The following MYO5B variants were observed in gnomAD, a reference collection of about 807,000 sequenced individuals.
MYO5B encodes the protein unconventional myosin-Vb.
In MYO5B, 143 loss-of-function variants were observed where a neutral mutation model predicts 229.3. The ratio of observed to expected loss-of-function variants is 0.62; its 90% CI spans 0.54 to 0.72. The LOEUF is 0.72. Ranked by LOEUF, MYO5B falls within the 30% of genes least tolerant of loss-of-function variation. The pLI is 0.00. For synonymous variants in MYO5B, 918 were observed against 885.2 expected (o/e 1.04, Z -0.66); for missense variants, 2,321 against 2,331.0 (o/e 1.00, Z 0.09).
At chr18:50,050,772 A>C in intron 2 of MYO5B, among the ~76,000 whole-genome samples, 1 of 152,202 alleles carries the variant, frequency 6.6e-6, no homozygotes. Flanking sequence ...TGGAGAAATG[A>C]TGCTTTGGAG....
At position 49,980,453 on chromosome 18, in the gene MYO5B, A is replaced by G. The variant is rs769172392; in HGVS notation, c.1047T>C (p.Cys349=). 8 of 1,608,910 alleles carry G rather than the reference A, an allele frequency of 5.0e-6. 1 individual carries two copies. The South Asian group carries it at 5.5e-5, about 11-fold the overall frequency. Reference sequence around the variant, plus strand: ...TTGGTGTGCAACTTACTGATATACTACAGGAATCACCATCACGCTCAGCCT... The same window carrying G: ...TTGGTGTGCAACTTACTGATATACTGCAGGAATCACCATCACGCTCAGCCT... ...AIQAERDGDS[C]SISPQDVYLS... The change falls in exon 9 of 40, where the codon TGT becomes TGC. Residue 349 remains cysteine, a synonymous_variant. Coordinates refer to ENST00000285039, the MANE Select transcript of MYO5B (RefSeq NM_001080467.3).
intron 26 of MYO5B, among the ~76,000 whole-genome samples, chr18:49,875,460 C>A (rs1411176770): frequency 6.6e-6 from 1 of 152,188 alleles, no homozygotes; most frequent in Non-Finnish European, 1.5e-5. Flanking sequence ...CCCCTAGCTT[C>A]ACCAACAGAA....
chr18:49,948,910 T>G (rs527742342), intron 14 of MYO5B, among the ~76,000 whole-genome samples: 2 of 152,360 alleles, frequency 1.3e-5, no homozygotes, highest in Non-Finnish European at 2.9e-5. Context: ...GTTTTAATTG[T>G]AGGTCCCTGT....
intron 18 of MYO5B, among the ~76,000 whole-genome samples, chr18:49,909,273 G>A (rs12607902): frequency 0.068 from 10,406 of 152,240 alleles, 848 homozygotes; most frequent in East Asian, 0.29. Flanking sequence ...AAGACCCCAG[G>A]GAAATCTTTA....
intron 5 of MYO5B, among the ~76,000 whole-genome samples, 161 bp from the exon 6 acceptor site, chr18:49,992,592 C>G (rs981409879): frequency 1.3e-5 from 2 of 152,160 alleles, no homozygotes; most frequent in Non-Finnish European, 2.9e-5. Context: ...AAAACAAAAA[C>G]TTGAAACTCT....
intron 18 of MYO5B, among the ~76,000 whole-genome samples, chr18:49,910,583 G>T (rs80119140): frequency 1.3e-5 from 2 of 150,754 alleles, no homozygotes; most frequent in South Asian, 4.2e-4. Context: ...AAAAAAAAAA[G>T]ATGGCATGGC....
intron 7 of MYO5B, 44 bp from the exon 8 acceptor site, chr18:49,984,869 T>C: frequency 7.4e-7 from 1 of 1,342,874 alleles, no homozygotes; most frequent in Non-Finnish European, 1.1e-6. Context: ...TGGAGGACAC[T>C]TCATCCCACA....
In MYO5B at chr18:49,967,459, C is replaced by T. The variant is rs1330443030; in HGVS notation, c.1323-4429G>A. ...CACAGGTCAAAGGAACTAAAATCTCCTAGCTCAGCCTGGTCTTTCCAATTT... is the reference window on the plus strand; with the variant it reads ...CACAGGTCAAAGGAACTAAAATCTCTTAGCTCAGCCTGGTCTTTCCAATTT... On this transcript the variant is annotated intron_variant, in intron 10 of 39. Coordinates refer to ENST00000285039, the MANE Select transcript of MYO5B (RefSeq NM_001080467.3). Among the ~76,000 whole-genome samples the T allele has an allele frequency of 3.3e-5, 5 of 152,202 alleles. No individual in the cohort carries two copies. In the East Asian group the frequency reaches 9.6e-4, roughly 29 times the overall value.
chr18:50,050,216 A>C (rs1003745779), intron 2 of MYO5B, among the ~76,000 whole-genome samples: 1 of 152,228 alleles, frequency 6.6e-6, no homozygotes, highest in Non-Finnish European at 1.5e-5. Context: ...GAAGTAATCA[A>C]ACTCTACCTC....
intron 1 of MYO5B, among the ~76,000 whole-genome samples, chr18:50,165,289 C>G (rs2032829609): frequency 6.6e-6 from 1 of 151,820 alleles, no homozygotes; most frequent in South Asian, 2.1e-4. Context: ...TTGAGAACAG[C>G]CTGGGCAACA....
Position 50,036,850 on chromosome 18 carries a change from CTG to C in MYO5B, c.453_454del (p.Asp153Ter). On this transcript the variant is annotated frameshift_variant and splice_region_variant, in exon 4 of 40. Transcript: ENST00000285039. LOFTEE classifies it high-confidence loss of function. ...ACTTCTGGGCTGAGGACATTCTCAC[CTG>C]GCCATCTGCTTGTAGGCTTCTTCTG... is the stretch of plus-strand genomic sequence containing the variant. 1.2e-6 allele frequency: 2 copies of C among 1,614,098 alleles called. No homozygotes were observed. The highest frequency in any genetic ancestry group is 1.7e-6 in the Non-Finnish European group (2 of 1,180,026).
intron 2 of MYO5B, among the ~76,000 whole-genome samples, chr18:50,046,688 T>C (rs2030236433): frequency 6.6e-6 from 1 of 152,098 alleles, no homozygotes; most frequent in Non-Finnish European, 1.5e-5. Context: ...TAACATGCAT[T>C]AAAAGGTTGT....
chr18:50,001,010 C>T (rs2026040642), intron 5 of MYO5B, among the ~76,000 whole-genome samples: 1 of 152,170 alleles, frequency 6.6e-6, no homozygotes, highest in South Asian at 2.1e-4. Flanking sequence ...ACTGTCACTA[C>T]AGCATTCAGC....
At position 49,976,719 on chromosome 18, in the gene MYO5B, G is replaced by A. The variant is rs554097339; in HGVS notation, c.1057-2104C>T. Among the ~76,000 whole-genome samples, 5 of 152,162 alleles carry A rather than the reference G, an allele frequency of 3.3e-5. No homozygotes were observed. The South Asian group carries it at 1.0e-3, about 32-fold the overall frequency. The stretch of plus-strand genomic sequence containing the variant: ...GCTTGGTTTGGGCCGGGTGGGTGTG[G>A]AGAAGCCCCCATCTTTTCACACTCA... On this transcript the variant is annotated intron_variant, in intron 9 of 39. Coordinates refer to ENST00000285039, the MANE Select transcript of MYO5B (RefSeq NM_001080467.3).
At chr18:50,094,137 A>T (rs1212759967) in intron 1 of MYO5B, among the ~76,000 whole-genome samples, 2 of 152,234 alleles carry the variant, frequency 1.3e-5, no homozygotes, top group Non-Finnish European at 2.9e-5. Flanking sequence ...CCTTTCCAGT[A>T]AAACAGTCTT....
intron 17 of MYO5B, among the ~76,000 whole-genome samples, chr18:49,912,417 C>CT (rs1485228689): frequency 6.6e-6 from 1 of 152,096 alleles, no homozygotes; most frequent in African/African-American, 2.4e-5. Context: ...GAAGGTACTT[C>CT]TTAGAGGACT....
rs574024184 is a variant in MYO5B, at chr18:49,925,322, G to A, written c.2090+4190C>T. ...ATATGCCTGTGACCTGGAAGCTCCC[G>A]CCTTCCGGTTGTCCCACTTGTCTGA... On this transcript the variant is annotated intron_variant, in intron 17 of 39. Transcript: ENST00000285039. Among the ~76,000 whole-genome samples the A allele has an allele frequency of 6.6e-5, 10 of 152,274 alleles. No homozygotes were observed. In the South Asian group the frequency reaches 2.1e-3, roughly 32 times the overall value.
intron 1 of MYO5B, among the ~76,000 whole-genome samples, chr18:50,121,894 T>A (rs2032063595): frequency 6.6e-6 from 1 of 152,248 alleles, no homozygotes; most frequent in Non-Finnish European, 1.5e-5. Context: ...CCTTTCTCAC[T>A]GCAATCTGTA....
intron 8 of MYO5B, among the ~76,000 whole-genome samples, chr18:49,981,585 T>C (rs1296117468): frequency 6.6e-6 from 1 of 152,152 alleles, no homozygotes; most frequent in Non-Finnish European, 1.5e-5. Flanking sequence ...ACATACAAAG[T>C]AAAGAATAAC....
Sources: gnomAD v4.1 joint callset for allele counts (sites outside exome capture counted in the v4.1 genomes callset) on GRCh38, gnomAD v4.1.1 for gene constraint, MANE v1.5 for transcripts, NCBI Gene and HGNC (gene_info 2026-07-23, HGNC 2026-07-21) for gene names.